PEDS1: variants seen among roughly 807,000 people sequenced by gnomAD.
PEDS1 encodes plasmanylethanolamine desaturase 1.
PEDS1 carries 14 observed loss-of-function variants against 35.2 expected under a neutral mutation model. The ratio of observed to expected loss-of-function variants is 0.40; its 90% CI spans 0.26 to 0.62. The LOEUF (loss-of-function observed/expected upper bound fraction) is 0.62, where lower values mean the gene tolerates loss of function less well. Among genes scored for constraint, PEDS1 ranks in the 20% least tolerant of loss-of-function variants. PEDS1 has a pLI of 0.44. For synonymous variants in PEDS1, 152 were observed against 152.0 expected, an observed-to-expected ratio of 1.00 and a Z score of 0.00; for missense variants, 260 against 367.8, an observed-to-expected ratio of 0.71 and a Z score of 2.40.
At chr20:50,134,013 T>C (rs763166775) in intron 2 of PEDS1, among the ~76,000 whole-genome samples, 1 of 152,214 alleles carries the variant, frequency 6.6e-6, no homozygotes, top group Admixed American at 6.5e-5. Flanking sequence ...TGGGATGCTG[T>C]GTATGCACTG....
Position 50,124,525 on chromosome 20 carries a change from C to A in PEDS1, c.*533G>T, listed in dbSNP as rs1315426371. 1 of 154,580 alleles carries A rather than the reference C, an allele frequency of 6.5e-6. No homozygotes were observed. Among genetic ancestry groups the A allele is most frequent in the Non-Finnish European group, 1.4e-5 (1 of 69,560 alleles). 9.6% of individuals were successfully genotyped at this position (154,580 alleles called of 1,614,324 possible). A position where few individuals can be genotyped will look rare whatever the true frequency, so the allele number is the denominator to read the frequency against. ...CCTCTTCTGGCCGGCTACCCTCAGACCCCTGCTGAGCTTCACCATCCTTGG... is the reference window on the plus strand; with the variant it reads ...CCTCTTCTGGCCGGCTACCCTCAGAACCCTGCTGAGCTTCACCATCCTTGG... On this transcript the variant is annotated 3_prime_UTR_variant, in exon 6 of 6. Coordinates refer to ENST00000371652, the MANE Select transcript of PEDS1 (RefSeq NM_199129.4).
intron 2 of PEDS1, among the ~76,000 whole-genome samples, chr20:50,132,471 C>T (rs1476922779): frequency 6.6e-6 from 1 of 152,194 alleles, no homozygotes; most frequent in African/African-American, 2.4e-5. Context: ...TTCCCTCTGC[C>T]TGGAACATTC....
intron 2 of PEDS1, among the ~76,000 whole-genome samples, chr20:50,140,923 C>T (rs6095785): frequency 0.014 from 2,125 of 152,334 alleles, 53 homozygotes; most frequent in African/African-American, 0.047. Context: ...TGTCTGCTCT[C>T]ATCAGCCCAG....
intron 1 of PEDS1, among the ~76,000 whole-genome samples, chr20:50,153,115 AG>A (rs1481193616): frequency 7.0e-6 from 1 of 143,796 alleles, no homozygotes; most frequent in East Asian, 2.1e-4. Flanking sequence ...TAGGGGCCTG[AG>A]GGCAGTGCTT....
intron 5 of PEDS1, among the ~76,000 whole-genome samples, chr20:50,125,437 T>C (rs558558118): frequency 2.0e-5 from 3 of 152,328 alleles, no homozygotes; most frequent in African/African-American, 7.2e-5. Flanking sequence ...ACTTACTATA[T>C]ACCAGGCACT....
intron 1 of PEDS1, among the ~76,000 whole-genome samples, chr20:50,149,450 C>T (rs2081379426): frequency 6.6e-6 from 1 of 152,144 alleles, no homozygotes; most frequent in African/African-American, 2.4e-5. Flanking sequence ...AGCTGGACAC[C>T]CGCCTCACCC....
At chr20:50,152,530 G>T (rs1256740393) in intron 1 of PEDS1, among the ~76,000 whole-genome samples, 1 of 151,710 alleles carries the variant, frequency 6.6e-6, no homozygotes, top group East Asian at 1.9e-4. Context: ...AAAATTCCTA[G>T]GGCTCACGTA....
chr20:50,151,361 A>C, intron 1 of PEDS1: 3 of 1,211,296 alleles, frequency 2.5e-6, no homozygotes, highest in Non-Finnish European at 3.3e-6. Flanking sequence ...ATCGTGGTGG[A>C]GTGGGGAAAC....
At chr20:50,132,833 G>A (rs1160174667) in intron 2 of PEDS1, among the ~76,000 whole-genome samples, 1 of 152,124 alleles carries the variant, frequency 6.6e-6, no homozygotes, top group Admixed American at 6.5e-5. Flanking sequence ...AATCAACTAA[G>A]CCACACTCCA....
chr20:50,145,995 G>A (rs527471993), intron 1 of PEDS1, among the ~76,000 whole-genome samples: 6 of 152,122 alleles, frequency 3.9e-5, no homozygotes, highest in South Asian at 4.2e-4. Flanking sequence ...TCCCGCTCTC[G>A]CCCCGCTCTA....
intron 1 of PEDS1, among the ~76,000 whole-genome samples, chr20:50,144,930 T>C (rs550643110): frequency 9.2e-5 from 14 of 152,238 alleles, no homozygotes; most frequent in African/African-American, 3.4e-4. Context: ...GGGCCATGCA[T>C]GGTGGCTCAC....
At chr20:50,147,739 C>A (rs1257793055) in intron 1 of PEDS1, among the ~76,000 whole-genome samples, 2 of 152,194 alleles carry the variant, frequency 1.3e-5, no homozygotes, top group African/African-American at 2.4e-5. Context: ...GACCAAATAC[C>A]TTAATTCTCA....
intron 2 of PEDS1, 199 bp from the exon 3 acceptor site, chr20:50,131,146 G>T: frequency 7.4e-7 from 1 of 1,359,712 alleles, no homozygotes; most frequent in Non-Finnish European, 1.0e-6. Context: ...TGCTCGGGGA[G>T]ATGCCAAGAC....
rs770911541 is a variant in PEDS1 at position 50,129,562 on chromosome 20, G to C, written c.462C>G (p.Phe154Leu). 2.5e-5 allele frequency: 41 copies of C among 1,614,162 alleles called. No homozygotes were observed. Among genetic ancestry groups the C allele is most frequent in the South Asian group, 2.4e-4 (22 of 91,062 alleles). Residue 154 changes from phenylalanine (F) to leucine (L), a missense_variant, in exon 4 of 6, where the codon TTC (phenylalanine) becomes TTG (leucine). Phe to Leu is a conservative substitution (Grantham distance 22). Coordinates refer to ENST00000371652, the MANE Select transcript of PEDS1 (RefSeq NM_199129.4). This position sits in a 1 kb window ranked among gnomAD's most constrained non-coding sequence, Gnocchi z 4.2. ...LLPLLNMAYK[F>L]RTHSPEALEQ... is the part of the protein sequence containing the mutation. ...GTGTCTCACCAGGGCTGTGGGTGCG[G>C]AACTTGTAGGCCATGTTTAGCAGCG...
chr20:50,150,686 C>T (rs1431797506), intron 1 of PEDS1, among the ~76,000 whole-genome samples: 2 of 149,646 alleles, frequency 1.3e-5, no homozygotes, highest in South Asian at 2.1e-4. Flanking sequence ...ATGCCAGCTC[C>T]GTTTTTTTCT....
At position 50,130,945 on chromosome 20, in the gene PEDS1, C is replaced by CA. The variant is rs1164432245; in HGVS notation, c.243dup (p.Ala82CysfsTer7). The CA allele has an allele frequency of 6.2e-7, 1 of 1,614,208 alleles. No individual in the cohort carries two copies. Among genetic ancestry groups the CA allele is most frequent in the South Asian group, 1.1e-5 (1 of 91,082 alleles). On this transcript the variant is annotated frameshift_variant and splice_region_variant, in exon 3 of 6. Transcript: ENST00000371652. LOFTEE classifies it high-confidence loss of function. ...AAGAAGTCAGCAATGAGAGCCCCTGCAACTGTGGACAAGAGGGTGAGTGAA... is the reference window on the plus strand; with the variant it reads ...AAGAAGTCAGCAATGAGAGCCCCTGCAAACTGTGGACAAGAGGGTGAGTGAA...
intron 5 of PEDS1, 34 bp from the exon 6 acceptor site, chr20:50,125,213 G>A (rs184080351): frequency 3.7e-6 from 6 of 1,610,822 alleles, no homozygotes; most frequent in South Asian, 2.2e-5. Flanking sequence ...GTTTGAATGG[G>A]AGAGAGTAGT....
In PEDS1 at chr20:50,143,690, ACTTTT is replaced by A. The variant is rs541794222; in HGVS notation, c.122-74_122-70del. On this transcript the variant is annotated intron_variant, in intron 1 of 5. Coordinates refer to ENST00000371652, the MANE Select transcript of PEDS1 (RefSeq NM_199129.4). Reference sequence around the variant, plus strand: ...CCAGGCAGAGTGTGGCCCCATGGGAACTTTTCTTTTCTTTTTTTTTTTTCTGAGAC... The same window carrying A: ...CCAGGCAGAGTGTGGCCCCATGGGAACTTTTCTTTTTTTTTTTTCTGAGAC... 2.4e-4 allele frequency: 381 copies of A among 1,556,386 alleles called. 1 individual carries two copies. In the East Asian group the frequency reaches 8.2e-3, roughly 34 times the overall value.
chr20:50,131,885 C>T (rs2081184275), intron 2 of PEDS1, among the ~76,000 whole-genome samples: 1 of 152,164 alleles, frequency 6.6e-6, no homozygotes, highest in African/African-American at 2.4e-5. Flanking sequence ...TTTAGCCTCT[C>T]TGTGCCCAGT....
Sources: gnomAD v4.1 joint callset for allele counts (sites outside exome capture counted in the v4.1 genomes callset) on GRCh38, gnomAD v4.1.1 for gene constraint, Gnocchi (gnomAD v3.1) non-coding constraint, MANE v1.5 for transcripts, NCBI Gene and HGNC (gene_info 2026-07-23, HGNC 2026-07-21) for gene names.